PDLIM3: variants seen among roughly 807,000 people sequenced by gnomAD.
PDLIM3 encodes PDZ and LIM domain protein 3.
In PDLIM3, 36 loss-of-function variants were observed where a neutral mutation model predicts 37.3. That is an observed-to-expected ratio of 0.97 (90% CI 0.74 to 1.28). The LOEUF (loss-of-function observed/expected upper bound fraction) is 1.28. PDLIM3 is among the 50% of genes most tolerant of loss of function. The probability of loss-of-function intolerance (pLI) is 0.00; values close to 1 mark genes in which losing one functional copy is unlikely to be tolerated. For missense variants in PDLIM3, 454 were observed against 485.0 expected, an observed-to-expected ratio of 0.94 and a Z score of 0.60; for synonymous variants, 174 against 182.4, an observed-to-expected ratio of 0.95 and a Z score of 0.37.
rs969353962 is a variant in PDLIM3, at chr4:185,504,227, CT to C, written c.905+247del. 1.3e-4 allele frequency among the ~76,000 whole-genome samples: 19 copies of C among 148,568 alleles called. No individual in the cohort carries two copies. In the East Asian group the frequency reaches 2.7e-3, roughly 21 times the overall value. On this transcript the variant is annotated intron_variant, in intron 7 of 7. Transcript: ENST00000284767. This position sits in a 1 kb window ranked among gnomAD's most constrained non-coding sequence, Gnocchi z 4.7. ...GACTTTTCAACATACATTTGGGCAT[CT>C]TTTTTTTTTCATGAGAATCTATCTG... is the stretch of plus-strand genomic sequence containing the variant.
rs56131401 is a variant in PDLIM3, at chr4:185,533,056, G to A, written c.93+2286C>T. 3.7e-3 allele frequency among the ~76,000 whole-genome samples: 564 copies of A among 152,134 alleles called. 4 individuals are homozygous for A. Among genetic ancestry groups the A allele is most frequent in the Non-Finnish European group, 5.3e-3 (363 of 68,030 alleles). On this transcript the variant is annotated intron_variant, in intron 1 of 7. Transcript: ENST00000284767. ...GCCTGTCCCACTGCTTGTGATCATCGGCGGGTTAATAAATCTTTTGAAGCC... is the reference window on the plus strand; with the variant it reads ...GCCTGTCCCACTGCTTGTGATCATCAGCGGGTTAATAAATCTTTTGAAGCC...
chr4:185,531,276 C>G (rs2095744024), intron 1 of PDLIM3, among the ~76,000 whole-genome samples: 2 of 109,276 alleles, frequency 1.8e-5, no homozygotes, highest in Admixed American at 2.1e-4. Context: ...AATGCTTAGG[C>G]CAGTTATACA....
intron 2 of PDLIM3, among the ~76,000 whole-genome samples, chr4:185,524,685 C>T (rs777914021): frequency 2.0e-5 from 3 of 152,130 alleles, no homozygotes; most frequent in Non-Finnish European, 2.9e-5. Flanking sequence ...CATTCTCTAC[C>T]ACACTGAGAA....
At chr4:185,520,009 T>G (rs2095720944) in intron 3 of PDLIM3, among the ~76,000 whole-genome samples, 1 of 152,252 alleles carries the variant, frequency 6.6e-6, no homozygotes, top group South Asian at 2.1e-4. Flanking sequence ...AGACATCTTT[T>G]TTGCACAGCT....
At chr4:185,519,573 C>T (rs1396009167) in intron 3 of PDLIM3, among the ~76,000 whole-genome samples, 1 of 152,192 alleles carries the variant, frequency 6.6e-6, no homozygotes, top group African/African-American at 2.4e-5. Flanking sequence ...AGGCGTGAGC[C>T]ACCATGCCCG....
rs1298406692 is a variant in PDLIM3, at chr4:185,535,255, G to T, written c.93+87C>A. 7 of 1,241,350 alleles carry T rather than the reference G, an allele frequency of 5.6e-6. No individual in the cohort carries two copies. The Admixed American group carries it at 1.3e-4, about 23-fold the overall frequency. 76.9% of individuals were successfully genotyped at this position (1,241,350 alleles called of 1,614,324 possible). A position where few individuals can be genotyped will look rare whatever the true frequency, so the allele number is the denominator to read the frequency against. ...GCCCGCCCTCGCGCGCTTTCTGGCCGCCCTCGGCCCCGGGGCATCCACTGC... is the reference window on the plus strand; with the variant it reads ...GCCCGCCCTCGCGCGCTTTCTGGCCTCCCTCGGCCCCGGGGCATCCACTGC... On this transcript the variant is annotated intron_variant, in intron 1 of 7. Coordinates refer to ENST00000284767, the MANE Select transcript of PDLIM3 (RefSeq NM_014476.6).
intron 6 of PDLIM3, 48 bp downstream of exon 6, chr4:185,506,474 G>T: frequency 6.2e-7 from 1 of 1,610,724 alleles, no homozygotes; most frequent in Non-Finnish European, 8.5e-7. Flanking sequence ...CCCGCCCCCT[G>T]CAGTGGCCTC....
In PDLIM3 at chr4:185,502,433, A is replaced by T; in HGVS notation, c.956T>A (p.Val319Glu). Residue 319 changes from valine (V) to glutamate (E), a missense_variant, in exon 8 of 8, where the codon GTG becomes GAG. Val to Glu is a moderately radical substitution (Grantham distance 121, BLOSUM62 -2). Coordinates refer to ENST00000284767, the MANE Select transcript of PDLIM3 (RefSeq NM_014476.6). ...GAGGTTGAGGTTGCAGTCGGCACAC[A>T]CGAAGCACTCAGGGTGCCGGTACTT... ...RDKYRHPECF[V>E]CADCNLNLKQ... is the part of the protein sequence containing the mutation. The T allele has an allele frequency of 1.9e-6, 3 of 1,614,208 alleles. No individual in the cohort carries two copies. The highest frequency in any genetic ancestry group is 2.5e-6 in the Non-Finnish European group (3 of 1,180,040).
At chr4:185,509,272 G>GA (rs1253241905) in intron 4 of PDLIM3, among the ~76,000 whole-genome samples, 5 of 152,100 alleles carry the variant, frequency 3.3e-5, no homozygotes, top group South Asian at 2.1e-4. Flanking sequence ...ACAAGCCCTA[G>GA]AAAAAACCAA....
At chr4:185,509,022 C>G (rs184027102) in intron 4 of PDLIM3, among the ~76,000 whole-genome samples, 1 of 152,144 alleles carries the variant, frequency 6.6e-6, no homozygotes, top group South Asian at 2.1e-4. Flanking sequence ...TTAGTGAACA[C>G]TGAATATGCA....
At position 185,523,433 on chromosome 4, in the gene PDLIM3, A is replaced by G; in HGVS notation, c.259T>C (p.Leu87=). 6.2e-7 allele frequency: 1 copy of G among 1,604,438 alleles called. No individual in the cohort carries two copies. Among genetic ancestry groups the G allele is most frequent in the Non-Finnish European group, 8.5e-7 (1 of 1,171,446 alleles). The change falls in exon 3 of 8, where the codon TTA becomes CTA. Residue 87 remains leucine, a synonymous_variant. Transcript: ENST00000284767. ...TCTTCAGATACTTGTGGAGACCATA[A>G]GTGAGTTTCTCCCCTGGAAATAAAA... ...CLKIDRGETH[L]WSPQVSEDGK...
At chr4:185,517,093 T>C (rs377751096) in intron 3 of PDLIM3, 3 of 152,252 alleles carry the variant, frequency 2.0e-5, no homozygotes, top group East Asian at 3.8e-4. Context: ...AATCTAATTG[T>C]TTTAGCTGAT....
chr4:185,505,621 A>G (rs1418550777), intron 6 of PDLIM3, among the ~76,000 whole-genome samples: 2 of 19,708 alleles, frequency 1.0e-4, no homozygotes, highest in African/African-American at 1.2e-4. Context: ...CTCCATCTCA[A>G]AAAAGAAAAA....
At chr4:185,534,669 C>T (rs2095750228) in intron 1 of PDLIM3, among the ~76,000 whole-genome samples, 1 of 152,224 alleles carries the variant, frequency 6.6e-6, no homozygotes, top group African/African-American at 2.4e-5. Context: ...GTAAACTAAA[C>T]TGTCTGCCAC....
At chr4:185,511,762 G>A (rs568861334) in intron 4 of PDLIM3, among the ~76,000 whole-genome samples, 11 of 152,318 alleles carry the variant, frequency 7.2e-5, no homozygotes, top group Admixed American at 1.3e-4. Context: ...AAAATAACTA[G>A]AGGAGTGGAT....
chr4:185,533,085 T>C (rs761744223), intron 1 of PDLIM3, among the ~76,000 whole-genome samples: 2 of 152,134 alleles, frequency 1.3e-5, no homozygotes, highest in Non-Finnish European at 2.9e-5. Context: ...TGAAGCCTCA[T>C]TCTCCTCATT....
rs2095711782 is a variant in PDLIM3 at position 185,514,565 on chromosome 4, G to A, written c.331-228C>T. On this transcript the variant is annotated intron_variant, in intron 3 of 7. Coordinates refer to ENST00000284767, the MANE Select transcript of PDLIM3 (RefSeq NM_014476.6). The surrounding 1 kb of genome is among the most constrained non-coding windows in gnomAD (Gnocchi z 4.0). ...ACAACAATTAGAACATGTTTTAGATGCTTGTCTTTAAAAGAGAAATCTGAT... is the reference window on the plus strand; with the variant it reads ...ACAACAATTAGAACATGTTTTAGATACTTGTCTTTAAAAGAGAAATCTGAT... The A allele has an allele frequency of 8.2e-7, 1 of 1,220,662 alleles. No homozygotes were observed. The highest frequency in any genetic ancestry group is 2.5e-5 in the East Asian group (1 of 39,222). 75.6% of individuals were successfully genotyped at this position (1,220,662 alleles called of 1,614,324 possible).
At chr4:185,524,999 G>A in intron 2 of PDLIM3, 21 bp downstream of exon 2, 2 of 1,612,432 alleles carry the variant, frequency 1.2e-6, no homozygotes, top group East Asian at 2.2e-5. Flanking sequence ...TCAGATTTAA[G>A]CACCATTAGT....
Position 185,502,101 on chromosome 4 carries a change from G to T in PDLIM3, c.*193C>A. The T allele has an allele frequency of 1.6e-6, 1 of 641,194 alleles. No individual in the cohort carries two copies. The highest frequency in any genetic ancestry group is 2.8e-6 in the Non-Finnish European group (1 of 360,038). The allele number at this position is 641,194 out of a possible 1,614,324, so 39.7% of individuals were successfully genotyped here. ...AAAGAGTTGCAAAACATAGCTAAGT[G>T]TATGTTTTTTTCACATAGCAGGCAT... On this transcript the variant is annotated 3_prime_UTR_variant, in exon 8 of 8. Coordinates refer to ENST00000284767, the MANE Select transcript of PDLIM3 (RefSeq NM_014476.6).
Sources: allele counts gnomAD v4.1 joint callset (sites outside exome capture counted in the v4.1 genomes callset), GRCh38; gene constraint gnomAD v4.1.1; non-coding constraint Gnocchi (gnomAD v3.1); transcripts MANE v1.5; gene names NCBI Gene and HGNC (gene_info 2026-07-23, HGNC 2026-07-21).